RASA4B: variants seen among roughly 807,000 people sequenced by gnomAD.
The protein encoded by RASA4B is RAS p21 protein activator 4B.
RASA4B carries 2 observed loss-of-function variants against 24.2 expected under a neutral mutation model. The ratio of observed to expected loss-of-function variants is 0.08; its 90% CI spans 0.03 to 0.26. The LOEUF is 0.26. Among genes scored for constraint, RASA4B ranks in the 10% least tolerant of loss-of-function variants. RASA4B has a pLI of 1.00. For synonymous variants in RASA4B, 2 were observed against 125.6 expected (o/e 0.02, Z 6.58); for missense variants, 8 against 277.2 (o/e 0.03, Z 6.90).
chr7:102,484,791 C>G (rs1798652001), intron 19 of RASA4B, among the ~76,000 whole-genome samples: 2 of 148,646 alleles, frequency 1.3e-5, no homozygotes, highest in African/African-American at 2.4e-5. Context: ...TGTGCCTGTA[C>G]TCCAAGGGCC....
intron 8 of RASA4B, among the ~76,000 whole-genome samples, chr7:102,500,333 G>A (rs1363390425): frequency 6.3e-4 from 50 of 79,336 alleles, no homozygotes; most frequent in African/African-American, 1.9e-3. Context: ...TTAGCCAGGC[G>A]CGGTGGCGGG....
intron 16 of RASA4B, among the ~76,000 whole-genome samples, chr7:102,491,767 C>CAAA (rs59999871): frequency 7.5e-5 from 4 of 53,644 alleles, no homozygotes; most frequent in South Asian, 1.0e-3. Flanking sequence ...AACTCCATCT[C>CAAA]AAAAAAAAAA....
chr7:102,513,198 A>G (rs1233564877), intron 1 of RASA4B, among the ~76,000 whole-genome samples: 2 of 141,154 alleles, frequency 1.4e-5, no homozygotes, highest in South Asian at 4.6e-4. Flanking sequence ...CCAGGACGGG[A>G]CGGGGAGGAA....
At chr7:102,491,516 C>T (rs1256494017) in intron 16 of RASA4B, among the ~76,000 whole-genome samples, 15 of 56,372 alleles carry the variant, frequency 2.7e-4, no homozygotes, top group African/African-American at 4.4e-4. Context: ...ACATGTAATC[C>T]CAGCATTTTG....
intron 16 of RASA4B, among the ~76,000 whole-genome samples, chr7:102,492,318 A>G (rs1798976737): frequency 4.5e-5 from 1 of 22,352 alleles, no homozygotes; most frequent in Admixed American, 6.5e-4. Context: ...GGGCAGGTGT[A>G]CAGCAAGCAG....
rs1799696582 is a variant in RASA4B at position 102,511,510 on chromosome 7, C to T, written c.122+415G>A. On this transcript the variant is annotated intron_variant, in intron 2 of 20. Transcript: ENST00000465829. Reference sequence around the variant, plus strand: ...TCTGCCACTTTTACTAGGCATGTGACCTTGGCCAGGGTAGTTAGTCTCCCT... The same window carrying T: ...TCTGCCACTTTTACTAGGCATGTGATCTTGGCCAGGGTAGTTAGTCTCCCT... 1.7e-5 allele frequency among the ~76,000 whole-genome samples: 2 copies of T among 115,644 alleles called. 1 individual carries two copies. The highest frequency in any genetic ancestry group is 6.2e-5 in the African/African-American group (2 of 32,208). The allele number at this position is 115,644 out of a possible 152,430, so 75.9% of individuals were successfully genotyped here. A position where few individuals can be genotyped will look rare whatever the true frequency, so the allele number is the denominator to read the frequency against.
chr7:102,487,184 CAG>C (rs1798755832), intron 18 of RASA4B, among the ~76,000 whole-genome samples: 1 of 87,732 alleles, frequency 1.1e-5, no homozygotes, highest in South Asian at 4.0e-4. Context: ...CCAGCCTACT[CAG>C]AGGCTGAGGC....
At chr7:102,513,478 CA>C (rs1799780364) in intron 1 of RASA4B, among the ~76,000 whole-genome samples, 1 of 77,646 alleles carries the variant, frequency 1.3e-5, no homozygotes, top group Non-Finnish European at 2.8e-5. Flanking sequence ...CCAAGGGTCT[CA>C]GGTGTTGGGG....
chr7:102,504,638 C>T (rs865911190), intron 5 of RASA4B, among the ~76,000 whole-genome samples: 13 of 108,302 alleles, frequency 1.2e-4, no homozygotes, highest in Middle Eastern at 9.1e-3. Flanking sequence ...GCCAAGAAAA[C>T]GCCACTGCAC....
In RASA4B at chr7:102,480,064, A is replaced by G. The variant is rs576868226; in HGVS notation, c.*3528T>C. ...AAACACCAGGCCATACAGAGATAGG[A>G]GCTGAGGGGACAATGAGGAGTGACC... On this transcript the variant is annotated 3_prime_UTR_variant, in exon 21 of 21. Coordinates refer to ENST00000465829, the MANE Select transcript of RASA4B (RefSeq NM_001367767.2). 6.6e-6 allele frequency among the ~76,000 whole-genome samples: 1 copy of G among 152,208 alleles called. No homozygotes were observed. Among genetic ancestry groups the G allele is most frequent in the Admixed American group, 6.6e-5 (1 of 15,240 alleles).
At chr7:102,485,272 G>A in intron 18 of RASA4B, 113 bp from the exon 19 acceptor site, 1 of 572,214 alleles carries the variant, frequency 1.7e-6, no homozygotes, top group Non-Finnish European at 3.2e-6. Flanking sequence ...GATGCACTCG[G>A]GGGTCCCTAG....
At chr7:102,490,040 TC>T (rs1798871698) in intron 17 of RASA4B, among the ~76,000 whole-genome samples, 2 of 60,538 alleles carry the variant, frequency 3.3e-5, no homozygotes, top group Non-Finnish European at 6.4e-5. Context: ...CACCTCAGCC[TC>T]CCAAAGTACT....
At chr7:102,498,644 G>A (rs1426988470) in intron 8 of RASA4B, among the ~76,000 whole-genome samples, 1 of 124,876 alleles carries the variant, frequency 8.0e-6, no homozygotes, top group East Asian at 2.3e-4. Context: ...CCGTCTCCTG[G>A]GTTCCAGCAA....
chr7:102,512,617 T>G (rs1486302088), intron 1 of RASA4B, among the ~76,000 whole-genome samples: 1 of 196 alleles, frequency 5.1e-3, no homozygotes, highest in African/African-American at 0.011. Flanking sequence ...GGGAGGAGAG[T>G]AGGAGGGGGA....
Position 102,481,207 on chromosome 7 carries a change from AT to A in RASA4B, c.*2384del, listed in dbSNP as rs1798601102. Among the ~76,000 whole-genome samples, 1 of 74,412 alleles carries A rather than the reference AT, an allele frequency of 1.3e-5. No individual in the cohort carries two copies. The highest frequency in any genetic ancestry group is 4.1e-5 in the African/African-American group (1 of 24,212). The allele number at this position is 74,412 out of a possible 152,430, so 48.8% of individuals were successfully genotyped here. On this transcript the variant is annotated 3_prime_UTR_variant, in exon 21 of 21. Coordinates refer to ENST00000465829, the MANE Select transcript of RASA4B (RefSeq NM_001367767.2). The stretch of plus-strand genomic sequence containing the variant: ...AGTTCAAAAATTTCAAGTCTCCTTT[AT>A]TTTCCCTTTTTTTTTTTTTTTTTTT...
chr7:102,497,397 T>G, intron 8 of RASA4B, among the ~76,000 whole-genome samples: 1 of 151,616 alleles, frequency 6.6e-6, no homozygotes, highest in Non-Finnish European at 1.5e-5. Flanking sequence ...CCAGCTTCCC[T>G]GTTCTGATAG....
intron 8 of RASA4B, among the ~76,000 whole-genome samples, chr7:102,497,564 C>T (rs1263968267): frequency 6.6e-6 from 1 of 152,200 alleles, no homozygotes; most frequent in Non-Finnish European, 1.5e-5. Context: ...TTTGGGAGGC[C>T]AAGGCAGGCA....
At chr7:102,498,114 G>A (rs1287178226) in intron 8 of RASA4B, among the ~76,000 whole-genome samples, 1 of 122,460 alleles carries the variant, frequency 8.2e-6, no homozygotes, top group African/African-American at 2.8e-5. Flanking sequence ...GCCCAGGCTG[G>A]TCTTGAACTC....
chr7:102,511,602 A>G (rs1799698460), intron 2 of RASA4B, among the ~76,000 whole-genome samples: 1 of 55,706 alleles, frequency 1.8e-5, no homozygotes, highest in Non-Finnish European at 3.9e-5. Context: ...GCAAGAACTA[A>G]ACGGGCTGGA....
Sources: allele counts gnomAD v4.1 joint callset (sites outside exome capture counted in the v4.1 genomes callset), GRCh38; gene constraint gnomAD v4.1.1; transcripts MANE v1.5; gene names NCBI Gene and HGNC (gene_info 2026-07-23, HGNC 2026-07-21).